The following NFKB1 variants were observed in gnomAD, a reference collection of about 807,000 sequenced individuals.
NFKB1 encodes the protein nuclear factor kappa B subunit 1, also known as nuclear factor NF-kappa-B p105 subunit.
A neutral mutation model predicts 105.1 loss-of-function variants in NFKB1; 9 were observed. That is an observed-to-expected ratio of 0.09 (90% CI 0.05 to 0.15). NFKB1 has a LOEUF of 0.15. Ranked by LOEUF, NFKB1 falls within the 10% of genes least tolerant of loss-of-function variation. NFKB1 has a pLI of 1.00. For missense variants in NFKB1, 830 were observed against 1,203.7 expected (o/e 0.69, Z 4.59); for synonymous variants, 440 against 442.2 (o/e 1.00, Z 0.06).
At chr4:102,609,611 CAAAAAAAAAAAAAA>C (rs34646774) in intron 19 of NFKB1, among the ~76,000 whole-genome samples, 1 of 64,262 alleles carries the variant, frequency 1.6e-5, no homozygotes, top group Non-Finnish European at 2.9e-5. Context: ...GACTCCATCT[CAAAAAAAAAAAAAA>C]AAAAAAAAAG....
At chr4:102,597,459 T>C (rs1278237589) in intron 14 of NFKB1, 61 bp from the exon 15 acceptor site, 2 of 1,534,906 alleles carry the variant, frequency 1.3e-6, no homozygotes, top group Non-Finnish European at 8.8e-7. Flanking sequence ...TCCTTAAGCA[T>C]GCCATACCCA....
intron 23 of NFKB1, among the ~76,000 whole-genome samples, chr4:102,614,568 C>G (rs1007905138): frequency 2.6e-5 from 4 of 152,140 alleles, no homozygotes; most frequent in African/African-American, 9.7e-5. Context: ...CACCTTCCAC[C>G]CTCTGCTTGG....
chr4:102,520,529 T>G (rs1366491565), intron 1 of NFKB1, among the ~76,000 whole-genome samples: 1 of 152,222 alleles, frequency 6.6e-6, no homozygotes, highest in Non-Finnish European at 1.5e-5. Flanking sequence ...AGGTAGCTAT[T>G]CTACATGTTA....
intron 11 of NFKB1, among the ~76,000 whole-genome samples, chr4:102,592,274 A>G (rs1726238618): frequency 1.3e-5 from 2 of 152,260 alleles, no homozygotes; most frequent in African/African-American, 4.8e-5. Context: ...GTTTGAGAGA[A>G]TTGACCCTAG....
At position 102,582,854 on chromosome 4, in the gene NFKB1, G is replaced by T; in HGVS notation, c.836-12G>T. 6.3e-7 allele frequency: 1 copy of T among 1,579,830 alleles called. No homozygotes were observed. The highest frequency in any genetic ancestry group is 1.1e-5 in the South Asian group (1 of 90,094). On this transcript the variant is annotated splice_polypyrimidine_tract_variant and intron_variant, in intron 9 of 23. Transcript: ENST00000226574. ...TATGTGAAATTACACACTTCAATGT[G>T]ATTGTTTGCAGATGACATCCAGATT...
intron 4 of NFKB1, among the ~76,000 whole-genome samples, chr4:102,536,587 A>ACTATAGTATAGTCTATAC (rs1242154629): frequency 3.3e-5 from 5 of 152,152 alleles, no homozygotes; most frequent in African/African-American, 1.2e-4. Context: ...GCATAATGAA[A>ACTATAGTATAGTCTATAC]TGTAGTATAG....
Position 102,607,767 on chromosome 4 carries a change from G to C in NFKB1, c.2227+16G>C. 6.2e-7 allele frequency: 1 copy of C among 1,610,516 alleles called. No homozygotes were observed. The highest frequency in any genetic ancestry group is 1.1e-5 in the South Asian group (1 of 90,978). ...AAAGCAGCAGGTAAGATGGTGATCTGGCGGTCATTAATGAAAAATGTTACC... is the reference window on the plus strand; with the variant it reads ...AAAGCAGCAGGTAAGATGGTGATCTCGCGGTCATTAATGAAAAATGTTACC... On this transcript the variant is annotated intron_variant, in intron 19 of 23. Transcript: ENST00000226574.
Position 102,612,468 on chromosome 4 carries a change from G to A in NFKB1, c.2454G>A (p.Leu818=). 1 of 1,613,628 alleles carries A rather than the reference G, an allele frequency of 6.2e-7. No homozygotes were observed. The highest frequency in any genetic ancestry group is 8.5e-7 in the Non-Finnish European group (1 of 1,180,006). Residue 818 remains leucine (L), a synonymous_variant, in exon 22 of 24, where the codon CTG becomes CTA. Coordinates refer to ENST00000226574, the MANE Select transcript of NFKB1 (RefSeq NM_003998.4). ...DMKQLAEDVK[L]QLYKLLEIPD... ...AACAGCTGGCTGAAGATGTGAAGCT[G>A]CAGCTGTATAAGTTACTAGAAATTC...
At chr4:102,525,729 A>C (rs1740868640) in intron 2 of NFKB1, among the ~76,000 whole-genome samples, 172 bp downstream of exon 2, 1 of 152,158 alleles carries the variant, frequency 6.6e-6, no homozygotes, top group Non-Finnish European at 1.5e-5. Flanking sequence ...TGTCATGTGA[A>C]ATGAGTAACT....
intron 5 of NFKB1, among the ~76,000 whole-genome samples, chr4:102,559,352 C>G (rs1005624572): frequency 6.6e-6 from 1 of 152,100 alleles, no homozygotes; most frequent in Non-Finnish European, 1.5e-5. Context: ...GCTTTAACAG[C>G]TTTCACTTTG....
intron 6 of NFKB1, among the ~76,000 whole-genome samples, chr4:102,569,065 G>T (rs1724101837): frequency 6.6e-6 from 1 of 152,004 alleles, no homozygotes; most frequent in South Asian, 2.1e-4. Context: ...TTTCTAATTT[G>T]ATTTTTAGCT....
At chr4:102,605,746 G>T (rs553910158) in intron 16 of NFKB1, among the ~76,000 whole-genome samples, 2 of 152,264 alleles carry the variant, frequency 1.3e-5, no homozygotes, top group Admixed American at 1.3e-4. Context: ...TGAGATACTT[G>T]TATTATCCTG....
chr4:102,590,754 A>G (rs1172449958), intron 11 of NFKB1, among the ~76,000 whole-genome samples: 1 of 152,140 alleles, frequency 6.6e-6, no homozygotes, highest in Non-Finnish European at 1.5e-5. Context: ...CCAATTAATA[A>G]CCTTACAGTG....
intron 5 of NFKB1, among the ~76,000 whole-genome samples, chr4:102,544,564 G>A (rs1278652430): frequency 6.6e-6 from 1 of 152,160 alleles, no homozygotes; most frequent in Non-Finnish European, 1.5e-5. Context: ...TACTGCTCTA[G>A]ACAAGCAGAC....
chr4:102,573,884 G>A (rs1316219336), intron 6 of NFKB1, among the ~76,000 whole-genome samples: 1 of 150,700 alleles, frequency 6.6e-6, no homozygotes, highest in Non-Finnish European at 1.5e-5. Context: ...TTTGTTTGGG[G>A]TCTTTTTTTT....
rs1162477619 is a variant in NFKB1, at chr4:102,617,297, A to G, written c.*703A>G. On this transcript the variant is annotated 3_prime_UTR_variant, in exon 24 of 24. Coordinates refer to ENST00000226574, the MANE Select transcript of NFKB1 (RefSeq NM_003998.4). ...TAATAAAAGGAAAAGCAAATTGATG[A>G]CCTCACCTTGTTTGATCTGTGCAAA... 6.5e-6 allele frequency: 1 copy of G among 152,702 alleles called. No individual in the cohort carries two copies. Among genetic ancestry groups the G allele is most frequent in the East Asian group, 1.9e-4 (1 of 5,340 alleles). The allele number at this position is 152,702 out of a possible 1,614,324, so 9.5% of individuals were successfully genotyped here.
intron 1 of NFKB1, among the ~76,000 whole-genome samples, chr4:102,521,115 A>G (rs1740544785): frequency 6.6e-6 from 1 of 151,984 alleles, no homozygotes; most frequent in South Asian, 2.1e-4. Flanking sequence ...CAAAGGACAT[A>G]CAGATTATTT....
intron 1 of NFKB1, among the ~76,000 whole-genome samples, chr4:102,519,806 C>G (rs1052780383): frequency 1.3e-5 from 2 of 152,192 alleles, no homozygotes; most frequent in South Asian, 4.1e-4. Flanking sequence ...ATGACTTACT[C>G]TCTTTCAGCT....
At chr4:102,570,423 GTA>G (rs1420174699) in intron 6 of NFKB1, among the ~76,000 whole-genome samples, 11 of 152,062 alleles carry the variant, frequency 7.2e-5, no homozygotes, top group Admixed American at 6.6e-5. Flanking sequence ...GTATTCCATG[GTA>G]TATATGTACC....
Sources: allele counts gnomAD v4.1 joint callset (sites outside exome capture counted in the v4.1 genomes callset), GRCh38; gene constraint gnomAD v4.1.1; transcripts MANE v1.5; gene names NCBI Gene and HGNC (gene_info 2026-07-23, HGNC 2026-07-21).